The following NCOR1 variants were observed in gnomAD, a reference collection of about 807,000 sequenced individuals.
NCOR1 encodes nuclear receptor corepressor 1.
In NCOR1, 63 loss-of-function variants were observed where a neutral mutation model predicts 288.1. The ratio of observed to expected loss-of-function variants is 0.22; its 90% CI spans 0.18 to 0.27. The LOEUF is 0.27. Ranked by LOEUF, NCOR1 falls within the 10% of genes least tolerant of loss-of-function variation. The pLI is 1.00. For synonymous variants in NCOR1, 1,007 were observed against 1,065.9 expected (o/e 0.94, Z 1.08); for missense variants, 2,397 against 3,019.2 (o/e 0.79, Z 4.83).
At chr17:16,130,606 G>C (rs796497630) in intron 14 of NCOR1, among the ~76,000 whole-genome samples, 9 of 152,286 alleles carry the variant, frequency 5.9e-5, no homozygotes, top group African/African-American at 2.2e-4. Flanking sequence ...CACTATGAAT[G>C]AATATTCTAG....
chr17:16,144,246 T>C (rs1403813025), intron 10 of NCOR1, among the ~76,000 whole-genome samples: 4 of 152,358 alleles, frequency 2.6e-5, no homozygotes, highest in Admixed American at 2.0e-4. Flanking sequence ...TTTGAATATG[T>C]TGGTAACGAA....
chr17:16,092,649 A>ATT (rs1438771153), intron 21 of NCOR1, among the ~76,000 whole-genome samples: 113 of 16,324 alleles, frequency 6.9e-3, no homozygotes, highest in Middle Eastern at 0.12. Context: ...AGATCCATTT[A>ATT]TATATATATA....
At chr17:16,078,582 T>G (rs1380738319) in intron 26 of NCOR1, among the ~76,000 whole-genome samples, 1 of 33,708 alleles carries the variant, frequency 3.0e-5, no homozygotes, top group Non-Finnish European at 7.8e-5. Flanking sequence ...AATGGAGACT[T>G]TTTTTTTTTT....
chr17:16,149,678 T>TTATAACTTTTGCAAAAATTAGAACTGAC (rs1471179120), intron 8 of NCOR1, among the ~76,000 whole-genome samples, 161 bp from the exon 9 acceptor site: 1 of 152,154 alleles, frequency 6.6e-6, no homozygotes, highest in African/African-American at 2.4e-5. Context: ...AAATAAGATT[T>TTATAACTTTTGCAAAAATTAGAACTGAC]TATAACTTTT....
chr17:16,119,545 A>T, intron 16 of NCOR1, 60 bp from the exon 17 acceptor site: 1 of 1,134,676 alleles, frequency 8.8e-7, no homozygotes, highest in Non-Finnish European at 1.3e-6. Context: ...CTTTATTCAA[A>T]CCAATCATAT....
chr17:16,177,173 T>C (rs1767058485), intron 3 of NCOR1, among the ~76,000 whole-genome samples: 1 of 152,038 alleles, frequency 6.6e-6, no homozygotes. Flanking sequence ...TAATTTTATA[T>C]CTTCAGGGCA....
chr17:16,062,824 T>C (rs1479925150), intron 35 of NCOR1, among the ~76,000 whole-genome samples: 1 of 152,226 alleles, frequency 6.6e-6, no homozygotes, highest in African/African-American at 2.4e-5. Context: ...ATTCACATTA[T>C]CTTCCCACAA....
In NCOR1 at chr17:16,051,674, C is replaced by T. The variant is rs145863019; in HGVS notation, c.6393-2686G>A. ...CACCTGTAATCCCAGCACGTGGGGACGCTAAGGCAGGCGGATCACCGGAGG... is the reference window on the plus strand; with the variant it reads ...CACCTGTAATCCCAGCACGTGGGGATGCTAAGGCAGGCGGATCACCGGAGG... On this transcript the variant is annotated intron_variant, in intron 40 of 45. Transcript: ENST00000268712. Among the ~76,000 whole-genome samples the T allele has an allele frequency of 6.8e-3, 1,034 of 152,076 alleles. 14 individuals carry two copies. Among genetic ancestry groups the T allele is most frequent in the African/African-American group, 0.024 (996 of 41,476 alleles).
At chr17:16,115,773 T>C (rs1384206931) in intron 18 of NCOR1, among the ~76,000 whole-genome samples, 1 of 152,208 alleles carries the variant, frequency 6.6e-6, no homozygotes, top group Non-Finnish European at 1.5e-5. Context: ...AACAAGTCTC[T>C]AGGAAGCTCC....
At chr17:16,083,344 C>A in intron 23 of NCOR1, among the ~76,000 whole-genome samples, 1 of 139,658 alleles carries the variant, frequency 7.2e-6, no homozygotes. Flanking sequence ...TACTGCAAAG[C>A]AAGACTTTGT....
chr17:16,156,037 A>T (rs1276567707), intron 6 of NCOR1, among the ~76,000 whole-genome samples: 2 of 152,210 alleles, frequency 1.3e-5, no homozygotes, highest in Non-Finnish European at 2.9e-5. Context: ...TCACACGTGT[A>T]ATCTCAATAC....
At chr17:16,126,960 T>C (rs2074153530) in intron 14 of NCOR1, among the ~76,000 whole-genome samples, 1 of 152,120 alleles carries the variant, frequency 6.6e-6, no homozygotes, top group African/African-American at 2.4e-5. Context: ...TGGGTAAGTG[T>C]AGTAGCGTAC....
At chr17:16,139,729 T>G (rs1354306091) in intron 11 of NCOR1, among the ~76,000 whole-genome samples, 1 of 152,210 alleles carries the variant, frequency 6.6e-6, no homozygotes, top group East Asian at 1.9e-4. Context: ...AAATTTAAGG[T>G]TGTTATTCTT....
chr17:16,092,119 A>T (rs867590630), intron 21 of NCOR1, 61 bp from the exon 22 acceptor site: 2 of 1,557,164 alleles, frequency 1.3e-6, no homozygotes, highest in African/African-American at 2.7e-5. Context: ...CCATCTCTTA[A>T]CAAGTAATGT....
chr17:16,062,881 T>C (rs2060690839), intron 35 of NCOR1, among the ~76,000 whole-genome samples: 2 of 152,202 alleles, frequency 1.3e-5, no homozygotes, highest in Admixed American at 6.5e-5. Flanking sequence ...TGGTATGTTT[T>C]TGTTCACTTA....
At chr17:16,104,638 G>A (rs886605769) in intron 19 of NCOR1, among the ~76,000 whole-genome samples, 1 of 152,120 alleles carries the variant, frequency 6.6e-6, no homozygotes, top group African/African-American at 2.4e-5. Flanking sequence ...TAGTCATGGT[G>A]GCGTACACCA....
rs1307757353 is a variant in NCOR1, at chr17:16,030,481, T to C, written c.*1815A>G. 1 of 203,218 alleles carries C rather than the reference T, an allele frequency of 4.9e-6. No individual in the cohort carries two copies. Among genetic ancestry groups the C allele is most frequent in the East Asian group, 7.5e-5 (1 of 13,350 alleles). The allele number at this position is 203,218 out of a possible 1,614,324, so 12.6% of individuals were successfully genotyped here. ...TAAATTATTAACAAACTCTAAAATA[T>C]TACCAGTACCTGAAAAAAAAAAATT... On this transcript the variant is annotated 3_prime_UTR_variant, in exon 46 of 46. Coordinates refer to ENST00000268712, the MANE Select transcript of NCOR1 (RefSeq NM_006311.4).
At chr17:16,199,706 A>T (rs551486084) in intron 1 of NCOR1, among the ~76,000 whole-genome samples, 1 of 152,258 alleles carries the variant, frequency 6.6e-6, no homozygotes, top group South Asian at 2.1e-4. Flanking sequence ...TAGCACCAAA[A>T]CTCATTAACT....
intron 18 of NCOR1, among the ~76,000 whole-genome samples, chr17:16,114,388 C>T (rs2071112303): frequency 6.6e-6 from 1 of 152,122 alleles, no homozygotes; most frequent in Non-Finnish European, 1.5e-5. Flanking sequence ...TCCCACATCT[C>T]ATGTCTTCAC....
Sources: gnomAD v4.1 joint callset for allele counts (sites outside exome capture counted in the v4.1 genomes callset) on GRCh38, gnomAD v4.1.1 for gene constraint, MANE v1.5 for transcripts, NCBI Gene and HGNC (gene_info 2026-07-23, HGNC 2026-07-21) for gene names.